The following RBFOX3 variants were observed in gnomAD, a reference collection of about 807,000 sequenced individuals.
RBFOX3 encodes RNA binding protein fox-1 homolog 3.
RBFOX3 carries 17 observed loss-of-function variants against 48.7 expected under a neutral mutation model. The ratio of observed to expected loss-of-function variants is 0.35; its 90% CI spans 0.24 to 0.52. The LOEUF is 0.52. RBFOX3 is among the 20% of genes least tolerant of loss of function. RBFOX3 has a pLI of 0.94. For synonymous variants in RBFOX3, 212 were observed against 209.5 expected, an observed-to-expected ratio of 1.01 and a Z score of -0.10; for missense variants, 382 against 497.5, an observed-to-expected ratio of 0.77 and a Z score of 2.21.
intron 4 of RBFOX3, among the ~76,000 whole-genome samples, chr17:79,172,398 T>C (rs1235013582): frequency 6.6e-6 from 1 of 152,228 alleles, no homozygotes; most frequent in Non-Finnish European, 1.5e-5. Context: ...TGTTGTTGCC[T>C]GGTGCAGGAG....
intron 4 of RBFOX3, among the ~76,000 whole-genome samples, chr17:79,150,347 A>C (rs942890841): frequency 2.6e-5 from 4 of 151,984 alleles, no homozygotes; most frequent in African/African-American, 9.7e-5. Context: ...TGGGCCTGGG[A>C]CACGCAGACA....
chr17:79,457,546 GC>G (rs1568284303), intron 2 of RBFOX3, among the ~76,000 whole-genome samples: 1 of 152,198 alleles, frequency 6.6e-6, no homozygotes, highest in African/African-American at 2.4e-5. Context: ...AGGGCCAGCA[GC>G]CCCGTGTAGA....
intron 1 of RBFOX3, among the ~76,000 whole-genome samples, chr17:79,582,310 C>CTG (rs1165812708): frequency 2.0e-5 from 3 of 151,800 alleles, no homozygotes; most frequent in South Asian, 2.1e-4. Context: ...GTGCCTATGC[C>CTG]TGTGTGTGTG....
chr17:79,270,995 C>T lies in RBFOX3; in HGVS notation c.-73-35190G>A, dbSNP rs113777706. Among the ~76,000 whole-genome samples the T allele has an allele frequency of 8.1e-3, 1,233 of 152,044 alleles. 10 individuals carry two copies. The highest frequency in any genetic ancestry group is 0.012 in the Non-Finnish European group (835 of 67,976). ...TTCTTTTCTTTTTTGTTTTTTTCTT[C>T]TCCAAAGCCCAGGACTGATGACTTA... On this transcript the variant is annotated intron_variant, in intron 3 of 14. Transcript: ENST00000693108.
chr17:79,309,804 CT>C (rs2076596663), intron 2 of RBFOX3, among the ~76,000 whole-genome samples: 1 of 152,120 alleles, frequency 6.6e-6, no homozygotes, highest in South Asian at 2.1e-4. Flanking sequence ...CAGTTCCCCC[CT>C]CACTCTCATC....
chr17:79,628,512 G>C, the RBFOX3 span, among the ~76,000 whole-genome samples: 1 of 152,188 alleles, frequency 6.6e-6, no homozygotes, highest in Non-Finnish European at 1.5e-5. Context: ...CAGGAGCTGG[G>C]GCCAGCGAGG....
intron 3 of RBFOX3, among the ~76,000 whole-genome samples, chr17:79,304,457 A>T (rs1198483594): frequency 6.6e-6 from 1 of 150,574 alleles, no homozygotes; most frequent in Non-Finnish European, 1.5e-5. Flanking sequence ...ATATATAAAT[A>T]TATAGCATGA....
chr17:79,321,867 G>A (rs1279213710), intron 2 of RBFOX3, among the ~76,000 whole-genome samples: 3 of 152,082 alleles, frequency 2.0e-5, no homozygotes, highest in Non-Finnish European at 2.9e-5. Flanking sequence ...CACTGAATCC[G>A]GCTAATTTTT....
In RBFOX3 at chr17:79,190,425, A is replaced by AC. The variant is rs2054252329; in HGVS notation, c.-34+45340_-34+45341insG. Among the ~76,000 whole-genome samples, 3 of 139,008 alleles carry AC rather than the reference A, an allele frequency of 2.2e-5. 1 individual carries two copies. Among genetic ancestry groups the AC allele is most frequent in the South Asian group, 2.3e-4 (1 of 4,376 alleles). The allele number at this position is 139,008 out of a possible 152,430, so 91.2% of individuals were successfully genotyped here. A position where few individuals can be genotyped will look rare whatever the true frequency, so the allele number is the denominator to read the frequency against. ...AATCTCTGTCTCACCAAAAAAAAAA[A>AC]AAAAAACAAAAAAACAGAGTGAAGA... On this transcript the variant is annotated intron_variant, in intron 4 of 14. Coordinates refer to ENST00000693108, the MANE Select transcript of RBFOX3 (RefSeq NM_001350451.2).
the RBFOX3 span, among the ~76,000 whole-genome samples, chr17:79,645,112 C>T: frequency 7.9e-5 from 12 of 152,204 alleles, no homozygotes; most frequent in African/African-American, 2.9e-4. Context: ...CACCACTGCT[C>T]AGACTCAAGC....
rs143099177 is a variant in RBFOX3 at position 79,437,301 on chromosome 17, G to A, written c.-175+45153C>T. On this transcript the variant is annotated intron_variant, in intron 2 of 14. Transcript: ENST00000693108. ...ACAGCTGCCCATGCAAATATTGTCC[G>A]TTCCAAGCTCCAGCCGGGGAGGCCG... Among the ~76,000 whole-genome samples the A allele has an allele frequency of 3.1e-3, 473 of 152,328 alleles. 1 individual carries two copies. The highest frequency in any genetic ancestry group is 0.011 in the African/African-American group (442 of 41,582).
At chr17:79,184,126 C>A (rs1018096308) in intron 4 of RBFOX3, among the ~76,000 whole-genome samples, 4 of 151,908 alleles carry the variant, frequency 2.6e-5, no homozygotes, top group Admixed American at 6.6e-5. Flanking sequence ...AATCCGAGGG[C>A]ATCTACGCAG....
chr17:79,301,694 C>A (rs953683980), intron 3 of RBFOX3, among the ~76,000 whole-genome samples: 1 of 152,216 alleles, frequency 6.6e-6, no homozygotes, highest in African/African-American at 2.4e-5. Context: ...AAGGGGACAG[C>A]AGCCCAGGTG....
chr17:79,601,344 C>T (rs1430836450), intron 1 of RBFOX3: 1 of 152,270 alleles, frequency 6.6e-6, no homozygotes, highest in African/African-American at 2.4e-5. Context: ...GGGTGGGTGT[C>T]TCTGTGAGGG....
intron 1 of RBFOX3, among the ~76,000 whole-genome samples, chr17:79,484,365 G>A (rs1011175616): frequency 4.2e-4 from 64 of 152,228 alleles, no homozygotes; most frequent in Non-Finnish European, 7.3e-4. Flanking sequence ...AGAGCCCAGT[G>A]CCCACTGCTG....
chr17:79,415,655 G>A (rs1296290692), intron 2 of RBFOX3, among the ~76,000 whole-genome samples: 1 of 152,220 alleles, frequency 6.6e-6, no homozygotes, highest in East Asian at 1.9e-4. Context: ...ACAATTGCAT[G>A]CGGCTCAGTT....
intron 2 of RBFOX3, among the ~76,000 whole-genome samples, chr17:79,350,327 G>A (rs2083671373): frequency 6.6e-6 from 1 of 152,124 alleles, no homozygotes; most frequent in Non-Finnish European, 1.5e-5. Flanking sequence ...ACTCTTCCCT[G>A]GTCAGTGTAA....
At chr17:79,663,968 G>A in the RBFOX3 span, among the ~76,000 whole-genome samples, 3 of 152,174 alleles carry the variant, frequency 2.0e-5, no homozygotes, top group Non-Finnish European at 2.9e-5. Flanking sequence ...GACCAGGGAA[G>A]AGGGAAAGAC....
chr17:79,504,281 C>T (rs2082777244), intron 1 of RBFOX3, among the ~76,000 whole-genome samples: 1 of 152,264 alleles, frequency 6.6e-6, no homozygotes, highest in Non-Finnish European at 1.5e-5. Flanking sequence ...CTCCTAGCTT[C>T]TCCCTCGCCG....
Sources: gnomAD v4.1 joint callset for allele counts (sites outside exome capture counted in the v4.1 genomes callset) on GRCh38, gnomAD v4.1.1 for gene constraint, MANE v1.5 for transcripts, NCBI Gene and HGNC (gene_info 2026-07-23, HGNC 2026-07-21) for gene names.